TRPS1: variants seen among roughly 807,000 people sequenced by gnomAD.
TRPS1 encodes the protein zinc finger transcription factor Trps1.
TRPS1 carries 6 observed loss-of-function variants against 101.2 expected under a neutral mutation model. The observed-to-expected ratio is 0.06, with a 90% CI of 0.03 to 0.12. The LOEUF (loss-of-function observed/expected upper bound fraction) is 0.12. Among genes scored for constraint, TRPS1 ranks in the 10% least tolerant of loss-of-function variants. TRPS1 has a pLI of 1.00. For missense variants in TRPS1, 1,363 were observed against 1,567.0 expected, an observed-to-expected ratio of 0.87 and a Z score of 2.20; for synonymous variants, 578 against 589.8, an observed-to-expected ratio of 0.98 and a Z score of 0.29.
At chr8:115,510,637 A>G (rs1656498260) in intron 5 of TRPS1, among the ~76,000 whole-genome samples, 1 of 151,942 alleles carries the variant, frequency 6.6e-6, no homozygotes. Context: ...GTCATGTTTC[A>G]TCTTTGACCT....
Position 115,587,072 on chromosome 8 carries a change from C to T in TRPS1, c.2629G>A (p.Gly877Arg). Residue 877 changes from glycine (G) to arginine (R), a missense_variant, in exon 5 of 7, where the codon GGG (glycine) becomes AGG (arginine). Transcript: ENST00000395715. ...QGAPAGGEKS[G>R]ALPQQYPASG... ...GCAGGATACTGCTGGGGGAGGGCCC[C>T]AGACTTCTCTCCGCCAGCTGGCGCC... 6.2e-7 allele frequency: 1 copy of T among 1,614,160 alleles called. No homozygotes were observed. The highest frequency in any genetic ancestry group is 8.5e-7 in the Non-Finnish European group (1 of 1,180,018).
intron 5 of TRPS1, among the ~76,000 whole-genome samples, chr8:115,428,229 C>A (rs1476585589): frequency 1.3e-5 from 2 of 152,074 alleles, no homozygotes; most frequent in African/African-American, 2.4e-5. Flanking sequence ...GGTTATTTTA[C>A]CAAATTCCTC....
chr8:115,541,217 T>C (rs955654480), intron 5 of TRPS1, among the ~76,000 whole-genome samples: 1 of 152,166 alleles, frequency 6.6e-6, no homozygotes, highest in Non-Finnish European at 1.5e-5. Flanking sequence ...GGACATCAGA[T>C]GGTGCATTTT....
intron 3 of TRPS1, among the ~76,000 whole-genome samples, chr8:115,606,521 C>T (rs1192174220): frequency 6.6e-6 from 1 of 152,106 alleles, no homozygotes; most frequent in Non-Finnish European, 1.5e-5. Context: ...GAACCCCAAT[C>T]ACATAGATTT....
At chr8:115,533,275 C>A (rs1025317639) in intron 5 of TRPS1, among the ~76,000 whole-genome samples, 1 of 151,984 alleles carries the variant, frequency 6.6e-6, no homozygotes, top group Non-Finnish European at 1.5e-5. Flanking sequence ...CTCCCACCAC[C>A]CTCTGGTGAA....
intron 4 of TRPS1, among the ~76,000 whole-genome samples, chr8:115,590,826 T>C (rs1351131117): frequency 6.6e-6 from 1 of 152,222 alleles, no homozygotes; most frequent in Admixed American, 6.5e-5. Context: ...TTAATCAGTA[T>C]AAATCCTAAA....
intron 5 of TRPS1, among the ~76,000 whole-genome samples, chr8:115,426,498 T>C (rs1252980263): frequency 6.6e-6 from 1 of 152,132 alleles, no homozygotes; most frequent in African/African-American, 2.4e-5. Flanking sequence ...CTTTATAATA[T>C]ATAATGGTTA....
intron 1 of TRPS1, among the ~76,000 whole-genome samples, chr8:115,656,387 G>A (rs1462596808): frequency 6.6e-6 from 1 of 152,048 alleles, no homozygotes; most frequent in East Asian, 1.9e-4. Flanking sequence ...TCTACATACA[G>A]ATTTAATTTT....
At chr8:115,489,739 C>CT (rs1027200907) in intron 5 of TRPS1, among the ~76,000 whole-genome samples, 12 of 151,962 alleles carry the variant, frequency 7.9e-5, no homozygotes, top group Admixed American at 5.3e-4. Flanking sequence ...ATGAATTTGG[C>CT]TTTTTAAAAG....
rs1368358840 is a variant in TRPS1 at position 115,413,078 on chromosome 8, C to T, written c.*945G>A. ...TGCCATGTGTTCTAAACAAATTAAA[C>T]CCACGGTCTGACATTTGTATCCATC... On this transcript the variant is annotated 3_prime_UTR_variant, in exon 7 of 7. Coordinates refer to ENST00000395715, the MANE Select transcript of TRPS1 (RefSeq NM_014112.5). 1 of 152,236 alleles carries T rather than the reference C, an allele frequency of 6.6e-6. No homozygotes were observed. Among genetic ancestry groups the T allele is most frequent in the Non-Finnish European group, 1.5e-5 (1 of 67,972 alleles). The allele number at this position is 152,236 out of a possible 1,614,324, so 9.4% of individuals were successfully genotyped here.
chr8:115,611,503 GA>G (rs1038475523), intron 3 of TRPS1, among the ~76,000 whole-genome samples: 4 of 152,286 alleles, frequency 2.6e-5, no homozygotes, highest in African/African-American at 9.6e-5. Context: ...AACAACAATG[GA>G]AAACATGCTT....
intron 5 of TRPS1, among the ~76,000 whole-genome samples, chr8:115,537,748 A>C (rs757767958): frequency 6.6e-6 from 1 of 151,784 alleles, no homozygotes; most frequent in Non-Finnish European, 1.5e-5. Flanking sequence ...TTTCAAAAAC[A>C]AAAAATCCAG....
intron 1 of TRPS1, among the ~76,000 whole-genome samples, chr8:115,626,980 A>G (rs1290869209): frequency 1.3e-5 from 2 of 151,804 alleles, no homozygotes; most frequent in African/African-American, 2.4e-5. Flanking sequence ...ATCCAAATAC[A>G]TGTTAAAGAA....
At chr8:115,489,064 T>A (rs1300328082) in intron 5 of TRPS1, among the ~76,000 whole-genome samples, 1 of 152,166 alleles carries the variant, frequency 6.6e-6, no homozygotes, top group East Asian at 1.9e-4. Context: ...TGAAAAATAA[T>A]CTATATGACT....
chr8:115,441,866 T>TGAGAGAGAGAGAGA (rs56875076), intron 5 of TRPS1, among the ~76,000 whole-genome samples: 1 of 139,534 alleles, frequency 7.2e-6, no homozygotes, highest in African/African-American at 2.7e-5. Context: ...CAATTGAGAG[T>TGAGAGAGAGAGAGA]GAGAGAGAGA....
At chr8:115,549,681 A>AC (rs1192549044) in intron 5 of TRPS1, among the ~76,000 whole-genome samples, 1 of 151,878 alleles carries the variant, frequency 6.6e-6, no homozygotes, top group African/African-American at 2.4e-5. Flanking sequence ...TAAAAAAAAA[A>AC]AAAAAAACGC....
chr8:115,531,070 A>G (rs1816119482), intron 5 of TRPS1, among the ~76,000 whole-genome samples: 1 of 152,180 alleles, frequency 6.6e-6, no homozygotes, highest in Non-Finnish European at 1.5e-5. Context: ...CCTAGAACTT[A>G]AAGTATAATA....
chr8:115,448,509 C>CG (rs1191498827), intron 5 of TRPS1, among the ~76,000 whole-genome samples: 2 of 152,178 alleles, frequency 1.3e-5, no homozygotes, highest in African/African-American at 4.8e-5. Context: ...GCTCTCTTTC[C>CG]GGCTATTCTT....
chr8:115,545,329 GA>G (rs1563591847), intron 5 of TRPS1, among the ~76,000 whole-genome samples: 2 of 152,096 alleles, frequency 1.3e-5, no homozygotes. Context: ...TAAACTGCAC[GA>G]ATTATACTTT....
Sources: allele counts gnomAD v4.1 joint callset (sites outside exome capture counted in the v4.1 genomes callset), GRCh38; gene constraint gnomAD v4.1.1; transcripts MANE v1.5; gene names NCBI Gene and HGNC (gene_info 2026-07-23, HGNC 2026-07-21).